The following MALRD1 variants were observed in gnomAD, a reference collection of about 807,000 sequenced individuals.
MALRD1 encodes the protein MAM and LDL-receptor class A domain-containing protein 1.
Under a neutral mutation model 242.1 loss-of-function variants are expected in MALRD1, and 247 were observed. The observed-to-expected ratio is 1.02, with a 90% confidence interval of 0.92 to 1.13. MALRD1 has a LOEUF of 1.13. Ranked by LOEUF, MALRD1 falls within the 50% of genes most tolerant of loss-of-function variation. The pLI, the probability that MALRD1 is intolerant of heterozygous loss-of-function variation, is 0.00. For synonymous variants in MALRD1, 995 were observed against 866.6 expected, an observed-to-expected ratio of 1.15 and a Z score of -2.60; for missense variants, 2,989 against 2,533.1, an observed-to-expected ratio of 1.18 and a Z score of -3.86.
At chr10:19,237,500 TTG>T (rs1229379876) in intron 18 of MALRD1, among the ~76,000 whole-genome samples, 27 of 78,884 alleles carry the variant, frequency 3.4e-4, no homozygotes, top group African/African-American at 1.5e-3. Flanking sequence ...TAGTATTTCA[TTG>T]TGTGTGTGTC....
chr10:19,626,247 A>G (rs947250200), intron 36 of MALRD1, among the ~76,000 whole-genome samples: 6 of 151,670 alleles, frequency 4.0e-5, no homozygotes, highest in African/African-American at 1.5e-4. Flanking sequence ...AAAAATTTCA[A>G]TATTTTTTCT....
At chr10:19,649,300 G>A (rs1033504127) in intron 36 of MALRD1, among the ~76,000 whole-genome samples, 2 of 152,246 alleles carry the variant, frequency 1.3e-5, no homozygotes, top group Middle Eastern at 3.4e-3. Flanking sequence ...TTAGCTCCTT[G>A]AGGAATCACC....
intron 19 of MALRD1, among the ~76,000 whole-genome samples, chr10:19,269,913 A>G (rs1482177559): frequency 1.3e-5 from 2 of 152,244 alleles, no homozygotes; most frequent in Non-Finnish European, 2.9e-5. Context: ...ACTTTTCCTC[A>G]GTATGAACTC....
At chr10:19,207,910 A>G in intron 17 of MALRD1, among the ~76,000 whole-genome samples, 1 of 152,214 alleles carries the variant, frequency 6.6e-6, no homozygotes, top group East Asian at 1.9e-4. Flanking sequence ...CTTTGGTGCC[A>G]TTATTAAGTA....
intron 35 of MALRD1, 47 bp from the exon 36 acceptor site, chr10:19,615,810 T>TAATA (rs1411778909): frequency 1.1e-5 from 14 of 1,327,996 alleles, no homozygotes; most frequent in Non-Finnish European, 1.4e-5. Context: ...TTCTTCCTCC[T>TAATA]AATACTATTT....
chr10:19,590,773 T>A (rs952082953), intron 33 of MALRD1, among the ~76,000 whole-genome samples: 1 of 152,134 alleles, frequency 6.6e-6, no homozygotes, highest in Non-Finnish European at 1.5e-5. Flanking sequence ...CACAGCAGAA[T>A]TGAGAAGAAA....
chr10:19,343,828 G>C (rs1843991076), intron 24 of MALRD1, among the ~76,000 whole-genome samples: 1 of 152,200 alleles, frequency 6.6e-6, no homozygotes, highest in East Asian at 1.9e-4. Flanking sequence ...TGATGATTTG[G>C]TGGTGTTACT....
intron 29 of MALRD1, among the ~76,000 whole-genome samples, chr10:19,485,007 A>G (rs1589143660): frequency 6.6e-6 from 1 of 152,328 alleles, no homozygotes; most frequent in South Asian, 2.1e-4. Flanking sequence ...AAAATAATGA[A>G]ATAAGGTCTT....
At chr10:19,502,055 A>C (rs1184621687) in intron 31 of MALRD1, among the ~76,000 whole-genome samples, 4 of 151,644 alleles carry the variant, frequency 2.6e-5, no homozygotes, top group African/African-American at 9.6e-5. Context: ...AGAAAAGAAG[A>C]AGCAAGTAAC....
At chr10:19,052,459 T>C (rs1351995231) in intron 1 of MALRD1, among the ~76,000 whole-genome samples, 3 of 152,184 alleles carry the variant, frequency 2.0e-5, no homozygotes, top group Non-Finnish European at 4.4e-5. Context: ...CAAGAAAGTG[T>C]ATTTAAATTG....
intron 2 of MALRD1, among the ~76,000 whole-genome samples, chr10:19,081,025 A>G (rs1835473247): frequency 6.6e-6 from 1 of 152,116 alleles, no homozygotes; most frequent in Non-Finnish European, 1.5e-5. Flanking sequence ...CCTCAACATC[A>G]TTGATTAGTA....
intron 1 of MALRD1, among the ~76,000 whole-genome samples, chr10:19,062,055 G>A (rs537943055): frequency 3.3e-5 from 5 of 149,886 alleles, no homozygotes; most frequent in Non-Finnish European, 7.4e-5. Context: ...AATGTAAAAA[G>A]AACGACAGCT....
intron 28 of MALRD1, among the ~76,000 whole-genome samples, chr10:19,431,414 ATTT>A (rs1254588869): frequency 6.6e-6 from 1 of 152,124 alleles, no homozygotes; most frequent in Non-Finnish European, 1.5e-5. Context: ...TAGCTTTTCT[ATTT>A]TGGAGAATCC....
intron 32 of MALRD1, among the ~76,000 whole-genome samples, chr10:19,539,852 T>TTGTGTGTGTGTG (rs1589217850): frequency 1.6e-5 from 1 of 64,330 alleles, no homozygotes; most frequent in African/African-American, 5.1e-5. Context: ...ACACCCAGCT[T>TTGTGTGTGTGTG]TGTGCGTGTG....
At chr10:19,560,453 A>G (rs1324726184) in intron 32 of MALRD1, among the ~76,000 whole-genome samples, 1 of 152,186 alleles carries the variant, frequency 6.6e-6, no homozygotes, top group African/African-American at 2.4e-5. Flanking sequence ...CTGGCGACAG[A>G]GTGAGACTCC....
intron 36 of MALRD1, among the ~76,000 whole-genome samples, chr10:19,678,951 A>T (rs1848907692): frequency 6.6e-6 from 1 of 152,144 alleles, no homozygotes; most frequent in Non-Finnish European, 1.5e-5. Context: ...TATGTGATGA[A>T]TTATGCTTAT....
At chr10:19,281,147 T>G (rs1439838750) in intron 20 of MALRD1, among the ~76,000 whole-genome samples, 1 of 152,160 alleles carries the variant, frequency 6.6e-6, no homozygotes, top group Non-Finnish European at 1.5e-5. Flanking sequence ...TAATCTAGAC[T>G]AAAAAAGTCA....
rs16918462 is a variant in MALRD1 at position 19,280,757 on chromosome 10, C to T, written c.3256+534C>T. On this transcript the variant is annotated intron_variant, in intron 20 of 39. Transcript: ENST00000454679. Reference sequence around the variant, plus strand: ...GTACCTGCCAATTCAATGGCTTTTCCTAAATGGATCAAAGACAAACTATTT... The same window carrying T: ...GTACCTGCCAATTCAATGGCTTTTCTTAAATGGATCAAAGACAAACTATTT... Among the ~76,000 whole-genome samples, 1,234 of 152,224 alleles carry T rather than the reference C, an allele frequency of 8.1e-3. 19 individuals are homozygous for T. The highest frequency in any genetic ancestry group is 0.028 in the African/African-American group (1,178 of 41,534).
chr10:19,386,721 T>TATAC (rs145208794), intron 26 of MALRD1, among the ~76,000 whole-genome samples: 1 of 148,902 alleles, frequency 6.7e-6, no homozygotes, highest in Non-Finnish European at 1.5e-5. Flanking sequence ...CATATACATA[T>TATAC]ACACACACAC....
Sources: allele counts gnomAD v4.1 joint callset (sites outside exome capture counted in the v4.1 genomes callset), GRCh38; gene constraint gnomAD v4.1.1; transcripts MANE v1.5; gene names NCBI Gene and HGNC (gene_info 2026-07-23, HGNC 2026-07-21).